CEP350: variants seen among roughly 807,000 people sequenced by gnomAD.
CEP350 encodes centrosome-associated protein 350.
A neutral mutation model predicts 331.8 loss-of-function variants in CEP350; 126 were observed. That is an observed-to-expected ratio of 0.38 (90% confidence interval 0.33 to 0.44). CEP350 has a LOEUF of 0.44. CEP350 is among the 20% of genes least tolerant of loss of function. CEP350 has a pLI of 1.00. For synonymous variants in CEP350, 1,200 were observed against 1,259.5 expected (o/e 0.95, Z 1.00); for missense variants, 3,406 against 3,634.6 (o/e 0.94, Z 1.62).
In CEP350 at chr1:180,109,925, G is replaced by A. The variant is rs545674479; in HGVS notation, c.9190-1072G>A. On this transcript the variant is annotated intron_variant, in intron 37 of 37. Coordinates refer to ENST00000367607, the MANE Select transcript of CEP350 (RefSeq NM_014810.5). Reference sequence around the variant, plus strand: ...GCTGGGATTACAGGCGTGAGCCACCGCACCCAGCCAATCTAATGCGTTTCT... The same window carrying A: ...GCTGGGATTACAGGCGTGAGCCACCACACCCAGCCAATCTAATGCGTTTCT... 6.6e-5 allele frequency among the ~76,000 whole-genome samples: 10 copies of A among 152,290 alleles called. No individual in the cohort carries two copies. The South Asian group carries it at 8.3e-4, about 13-fold the overall frequency.
intron 22 of CEP350, among the ~76,000 whole-genome samples, chr1:180,049,342 T>A (rs1288643826): frequency 6.6e-6 from 1 of 152,218 alleles, no homozygotes; most frequent in Non-Finnish European, 1.5e-5. Flanking sequence ...ATGGTGCCTG[T>A]CTTCCAATAA....
Position 180,094,534 on chromosome 1 carries a change from C to G in CEP350, c.8429C>G (p.Pro2810Arg). ...DLSQNVEEQS[P>R]SISGCFLSSE... ...TCCCAAAATGTTGAGGAACAGTCGC[C>G]AAGTATTTCAGGTTGCTTCTTAAGT... Residue 2810 changes from proline (P) to arginine (R), a missense_variant, in exon 34 of 38, where the codon CCA becomes CGA. Physicochemically the swap from Pro to Arg is moderately radical, Grantham distance 103. Around this residue, in one of 5 missense-constraint regions of CEP350, gnomAD observed 1,415 missense variants for 1,512.3 expected, o/e 0.94. Transcript: ENST00000367607. 6.2e-7 allele frequency: 1 copy of G among 1,613,840 alleles called. No individual in the cohort carries two copies. Among genetic ancestry groups the G allele is most frequent in the Non-Finnish European group, 8.5e-7 (1 of 1,179,828 alleles).
At position 179,997,022 on chromosome 1, in the gene CEP350, ATT is replaced by A; in HGVS notation, c.866_867del (p.Ile289LysfsTer21). ...DVKLEKLKER[I>X]RKQWEHSEET... is the part of the protein sequence containing the mutation. Reference sequence around the variant, plus strand: ...CAAACTGGAAAAACTTAAGGAACGGATTAGAAAACAGTGGGAACACTCAGAAG... The same window carrying A: ...CAAACTGGAAAAACTTAAGGAACGGAAGAAAACAGTGGGAACACTCAGAAG... On this transcript the variant is annotated frameshift_variant, in exon 6 of 38. Transcript: ENST00000367607. LOFTEE classifies it high-confidence loss of function. 4 of 1,614,040 alleles carry A rather than the reference ATT, an allele frequency of 2.5e-6. No homozygotes were observed. Among genetic ancestry groups the A allele is most frequent in the Non-Finnish European group, 3.4e-6 (4 of 1,179,894 alleles).
Position 179,997,114 on chromosome 1 carries a change from TAACTC to T in CEP350, c.959_963del (p.Asn320SerfsTer18). The T allele has an allele frequency of 6.2e-7, 1 of 1,613,966 alleles. No homozygotes were observed. The highest frequency in any genetic ancestry group is 8.5e-7 in the Non-Finnish European group (1 of 1,179,844). On this transcript the variant is annotated frameshift_variant, in exon 6 of 38. Coordinates refer to ENST00000367607, the MANE Select transcript of CEP350 (RefSeq NM_014810.5). LOFTEE classifies it high-confidence loss of function. ...ATCCAGTAATGGTTGTTAATGTTGA[TAACTC>T]AGTAACAGCAAAAGTCAGAAAAGTG...
At chr1:179,970,556 C>T (rs1224901320) in intron 1 of CEP350, among the ~76,000 whole-genome samples, 1 of 150,962 alleles carries the variant, frequency 6.6e-6, no homozygotes, top group Non-Finnish European at 1.5e-5. Context: ...TTTTTCTTAA[C>T]CTATCATAGA....
chr1:179,987,199 T>C (rs925474020), intron 2 of CEP350, 41 bp from the exon 3 acceptor site: 2 of 1,100,094 alleles, frequency 1.8e-6, no homozygotes, highest in Non-Finnish European at 1.3e-6. Context: ...AATTCAGAGA[T>C]TCTGGTTGAT....
intron 15 of CEP350, among the ~76,000 whole-genome samples, chr1:180,033,373 T>A (rs1175508812): frequency 6.6e-6 from 1 of 152,122 alleles, no homozygotes; most frequent in Admixed American, 6.6e-5. Flanking sequence ...TAGTGTGAAA[T>A]TTTTTTCTGT....
At position 180,096,129 on chromosome 1, in the gene CEP350, T is replaced by G. The variant is rs1249775691; in HGVS notation, c.9011T>G (p.Ile3004Ser). The G allele has an allele frequency of 1.3e-6, 2 of 1,567,610 alleles. No individual in the cohort carries two copies. Among genetic ancestry groups the G allele is most frequent in the Non-Finnish European group, 1.7e-6 (2 of 1,154,340 alleles). Residue 3004 changes from isoleucine to serine, a missense_variant, in exon 36 of 38, where the codon ATC becomes AGC. This residue lies in a region of CEP350 where 1,415 missense variants were observed against 1,512.3 expected (regional missense o/e 0.94). Transcript: ENST00000367607. ...NQPVWMKPCR[I>S]NSSYFRRVKN... Reference sequence around the variant, plus strand: ...CCTGTCTGGATGAAGCCATGTAGAATCAACTCTAGTTATTTCCGACGAGTG... The same window carrying G: ...CCTGTCTGGATGAAGCCATGTAGAAGCAACTCTAGTTATTTCCGACGAGTG...
chr1:180,085,120 T>C (rs1370110871), intron 31 of CEP350, among the ~76,000 whole-genome samples: 4 of 149,934 alleles, frequency 2.7e-5, no homozygotes. Flanking sequence ...CCTTTCCCTT[T>C]CCCTTCCCCT....
chr1:180,048,495 T>A, intron 21 of CEP350, 41 bp from the exon 22 acceptor site: 1 of 1,390,100 alleles, frequency 7.2e-7, no homozygotes, highest in Non-Finnish European at 1.0e-6. Flanking sequence ...ATCCTTATTT[T>A]GTTAATTTTG....
chr1:179,963,262 T>A (rs1650765895), intron 1 of CEP350, among the ~76,000 whole-genome samples: 1 of 152,120 alleles, frequency 6.6e-6, no homozygotes, highest in African/African-American at 2.4e-5. Flanking sequence ...ATTCTTTAGG[T>A]TACCTCTTTA....
In CEP350 at chr1:180,020,143, G is replaced by A; in HGVS notation, c.2369G>A (p.Arg790Lys). The change falls in exon 12 of 38, where the codon AGG (arginine) becomes AAG (lysine). Residue 790 changes from arginine to lysine, a missense_variant. Around this residue, in one of 5 missense-constraint regions of CEP350, gnomAD observed 1,857 missense variants for 1,909.2 expected, o/e 0.97. Coordinates refer to ENST00000367607, the MANE Select transcript of CEP350 (RefSeq NM_014810.5). Reference protein sequence around the residue: ...PTRKNHNMASRPLTFTPQPYV... With the variant: ...PTRKNHNMASKPLTFTPQPYV... ...AGGAAGAATCATAATATGGCTTCAAGGCCATTAACTTTTACACCTCAACCA... is the reference window on the plus strand; with the variant it reads ...AGGAAGAATCATAATATGGCTTCAAAGCCATTAACTTTTACACCTCAACCA... 1 of 1,613,994 alleles carries A rather than the reference G, an allele frequency of 6.2e-7. No homozygotes were observed. The highest frequency in any genetic ancestry group is 2.2e-5 in the East Asian group (1 of 44,884).
chr1:179,975,110 A>G (rs534210457), intron 1 of CEP350, among the ~76,000 whole-genome samples: 1 of 152,218 alleles, frequency 6.6e-6, no homozygotes. Context: ...AGGAGATGAC[A>G]TTAGAGTTTG....
rs377762646 is a variant in CEP350, at chr1:180,041,767, C to T, written c.4327C>T (p.Arg1443Cys). The change falls in exon 19 of 38, where the codon CGC (arginine) becomes TGC (cysteine). Residue 1443 changes from arginine (R) to cysteine (C), a missense_variant. Around this residue, in one of 5 missense-constraint regions of CEP350, gnomAD observed 1,857 missense variants for 1,909.2 expected, o/e 0.97. Transcript: ENST00000367607. ...KIAAQQSETA[R>C]LTTDAARQIC... ...AGCAGCTCAGCAGTCAGAAACTGCTCGCCTCACCACAGACGCAGCACGTCA... is the reference window on the plus strand; with the variant it reads ...AGCAGCTCAGCAGTCAGAAACTGCTTGCCTCACCACAGACGCAGCACGTCA... The T allele has an allele frequency of 1.4e-5, 22 of 1,612,908 alleles. No homozygotes were observed. Among genetic ancestry groups the T allele is most frequent in the East Asian group, 2.2e-5 (1 of 44,838 alleles).
intron 1 of CEP350, among the ~76,000 whole-genome samples, chr1:179,981,963 A>G (rs1652299172): frequency 1.3e-5 from 2 of 152,060 alleles, no homozygotes; most frequent in Admixed American, 6.6e-5. Context: ...TTGCACTACT[A>G]CACTCCAGCC....
intron 25 of CEP350, among the ~76,000 whole-genome samples, chr1:180,056,765 T>A (rs1657875828): frequency 6.6e-6 from 1 of 152,096 alleles, no homozygotes; most frequent in Non-Finnish European, 1.5e-5. Context: ...CCTGGTCACT[T>A]CTACCTCATT....
rs1202687841 is a variant in CEP350 at position 180,048,664 on chromosome 1, C to G, written c.4751C>G (p.Ser1584Cys). 3.1e-6 allele frequency: 5 copies of G among 1,612,492 alleles called. No individual in the cohort carries two copies. Among genetic ancestry groups the G allele is most frequent in the South Asian group, 1.1e-5 (1 of 90,824 alleles). ...DEQVQTAADD[S>C]LRSDSVPSLP... ...CAGGTTCAGACTGCTGCAGATGATTCTCTACGAAGTGATAGTGTTCCATCT... is the reference window on the plus strand; with the variant it reads ...CAGGTTCAGACTGCTGCAGATGATTGTCTACGAAGTGATAGTGTTCCATCT... Residue 1584 changes from serine to cysteine, a missense_variant, in exon 22 of 38, where the codon TCT (serine) becomes TGT (cysteine). This residue lies in a region of CEP350 where 1,857 missense variants were observed against 1,909.2 expected (regional missense o/e 0.97). Coordinates refer to ENST00000367607, the MANE Select transcript of CEP350 (RefSeq NM_014810.5).
Position 180,062,280 on chromosome 1 carries a change from C to A in CEP350, c.5323C>A (p.Leu1775Ile). 6.2e-7 allele frequency: 1 copy of A among 1,610,700 alleles called. No individual in the cohort carries two copies. Among genetic ancestry groups the A allele is most frequent in the Non-Finnish European group, 8.5e-7 (1 of 1,178,294 alleles). The part of the protein sequence containing the change: ...KAARKERQLI[L>I]KQQEEIEKIR... ...AGCTCGGAAGGAAAGACAGCTGATT[C>A]TTAAACAGCAGGAGGAGATAGAAAA... Residue 1775 changes from leucine to isoleucine, a missense_variant, in exon 26 of 38, where the codon CTT (leucine) becomes ATT (isoleucine). Physicochemically the swap from Leu to Ile is conservative, Grantham distance 5. Coordinates refer to ENST00000367607, the MANE Select transcript of CEP350 (RefSeq NM_014810.5).
At chr1:180,002,746 C>CTA (rs1653948891) in intron 6 of CEP350, among the ~76,000 whole-genome samples, 1 of 152,116 alleles carries the variant, frequency 6.6e-6, no homozygotes, top group Non-Finnish European at 1.5e-5. Context: ...ATACAATGGA[C>CTA]TATCACTTGG....
Sources: gnomAD v4.1 joint callset for allele counts (sites outside exome capture counted in the v4.1 genomes callset) on GRCh38, gnomAD v4.1.1 for gene constraint, gnomAD v4.1.1 regional missense constraint, MANE v1.5 for transcripts, NCBI Gene and HGNC (gene_info 2026-07-23, HGNC 2026-07-21) for gene names.